The following MDGA2 variants were observed in gnomAD, a reference collection of about 807,000 sequenced individuals.
The protein encoded by MDGA2 is MAM domain containing glycosylphosphatidylinositol anchor 2.
A neutral mutation model predicts 117.8 loss-of-function variants in MDGA2; 40 were observed. The ratio of observed to expected loss-of-function variants is 0.34; its 90% CI spans 0.26 to 0.44. MDGA2 has a LOEUF of 0.44. Ranked by LOEUF, MDGA2 falls within the 20% of genes least tolerant of loss-of-function variation. The pLI is 1.00. For missense variants in MDGA2, 1,123 were observed against 1,250.6 expected (o/e 0.90, Z 1.54); for synonymous variants, 452 against 439.0 (o/e 1.03, Z -0.37).
intron 10 of MDGA2, among the ~76,000 whole-genome samples, chr14:46,886,640 A>G (rs1186221201): frequency 6.6e-6 from 1 of 151,940 alleles, no homozygotes; most frequent in Non-Finnish European, 1.5e-5. Context: ...AGATGTAAAA[A>G]TTATGATTAT....
rs139160408 is a variant in MDGA2, at chr14:47,108,256, G to A, written c.926-11133C>T. On this transcript the variant is annotated intron_variant, in intron 5 of 16. Coordinates refer to ENST00000399232, the MANE Select transcript of MDGA2 (RefSeq NM_001113498.3). ...TAACACCCCCCAAAAAATTTTCGCC[G>A]CCCCAACACTTCAACACTATTTTGT... is the stretch of plus-strand genomic sequence containing the variant. Among the ~76,000 whole-genome samples, 646 of 152,092 alleles carry A rather than the reference G, an allele frequency of 4.2e-3. 7 individuals are homozygous for A. Among genetic ancestry groups the A allele is most frequent in the African/African-American group, 0.015 (615 of 41,488 alleles).
chr14:47,365,031 C>A (rs1420999237), intron 1 of MDGA2, among the ~76,000 whole-genome samples: 1 of 152,136 alleles, frequency 6.6e-6, no homozygotes, highest in Non-Finnish European at 1.5e-5. Context: ...TGAAGAAAAC[C>A]CAACTGTACA....
At chr14:46,871,953 G>A in intron 14 of MDGA2, 1 of 306,484 alleles carries the variant, frequency 3.3e-6, no homozygotes, top group East Asian at 8.6e-5. Flanking sequence ...GGGCAACATA[G>A]CAAGAGCCTG....
rs1311068198 is a variant in MDGA2, at chr14:47,429,305, T to C, written c.281-127755A>G. 3.3e-5 allele frequency among the ~76,000 whole-genome samples: 5 copies of C among 152,098 alleles called. No individual in the cohort carries two copies. The East Asian group carries it at 5.8e-4, about 18-fold the overall frequency. On this transcript the variant is annotated intron_variant, in intron 1 of 16. Coordinates refer to ENST00000399232, the MANE Select transcript of MDGA2 (RefSeq NM_001113498.3). The stretch of plus-strand genomic sequence containing the variant: ...ATATATATATATACACACATATATA[T>C]TTTTATATGTGCATATATGTCAAAG...
intron 5 of MDGA2, among the ~76,000 whole-genome samples, chr14:47,122,197 A>G (rs1290595604): frequency 1.3e-5 from 2 of 152,100 alleles, no homozygotes; most frequent in African/African-American, 2.4e-5. Context: ...ATGATTTAGC[A>G]GAAAGCAAAT....
intron 1 of MDGA2, among the ~76,000 whole-genome samples, chr14:47,535,632 T>C (rs1321633559): frequency 1.3e-5 from 2 of 152,122 alleles, no homozygotes; most frequent in Admixed American, 6.5e-5. Flanking sequence ...TAGAAGCAGA[T>C]AATGGAACTC....
At chr14:47,125,298 G>C (rs1454048253) in intron 5 of MDGA2, among the ~76,000 whole-genome samples, 3 of 152,042 alleles carry the variant, frequency 2.0e-5, no homozygotes, top group Non-Finnish European at 4.4e-5. Context: ...CATGCCCACA[G>C]CTATCAAAAT....
intron 14 of MDGA2, among the ~76,000 whole-genome samples, chr14:46,872,927 G>A (rs776745447): frequency 4.0e-5 from 6 of 151,762 alleles, no homozygotes; most frequent in Non-Finnish European, 5.9e-5. Context: ...CTTTATCTTT[G>A]TATGCTGTGC....
intron 1 of MDGA2, among the ~76,000 whole-genome samples, chr14:47,523,576 C>G (rs1894913369): frequency 6.6e-6 from 1 of 151,994 alleles, no homozygotes; most frequent in Non-Finnish European, 1.5e-5. Flanking sequence ...GATATAAATT[C>G]AAATGAAACT....
intron 14 of MDGA2, among the ~76,000 whole-genome samples, chr14:46,867,587 C>A (rs1032424642): frequency 6.6e-6 from 1 of 151,858 alleles, no homozygotes. Context: ...ATTTCAGATT[C>A]TTTACATTCC....
intron 1 of MDGA2, among the ~76,000 whole-genome samples, chr14:47,526,929 C>T (rs1225679391): frequency 1.3e-5 from 2 of 152,174 alleles, no homozygotes; most frequent in Non-Finnish European, 2.9e-5. Flanking sequence ...CAAGCCCCAT[C>T]TGCTTTGAGT....
intron 1 of MDGA2, among the ~76,000 whole-genome samples, chr14:47,363,107 T>C (rs1891158780): frequency 1.3e-5 from 2 of 152,180 alleles, no homozygotes; most frequent in Admixed American, 6.5e-5. Flanking sequence ...GGTAATGATA[T>C]AAATATCTAG....
chr14:46,853,999 A>G (rs1881164782), intron 15 of MDGA2, among the ~76,000 whole-genome samples: 1 of 151,800 alleles, frequency 6.6e-6, no homozygotes, highest in Non-Finnish European at 1.5e-5. Flanking sequence ...ATCTGTAGAT[A>G]ATTAGCCAGT....
At chr14:46,980,234 C>T (rs537157746) in intron 8 of MDGA2, among the ~76,000 whole-genome samples, 2 of 152,236 alleles carry the variant, frequency 1.3e-5, no homozygotes, top group South Asian at 4.1e-4. Flanking sequence ...TCATGGAAAA[C>T]TTAGAGAGGA....
intron 8 of MDGA2, among the ~76,000 whole-genome samples, chr14:46,982,312 A>G (rs1886703147): frequency 6.6e-6 from 1 of 152,182 alleles, no homozygotes; most frequent in Admixed American, 6.6e-5. Context: ...AAAATGGTGT[A>G]AAAGTAGTAT....
chr14:47,520,542 G>A lies in MDGA2; in HGVS notation c.280+153975C>T, dbSNP rs192674539. ...AAAGTGTAAGTACTTTTCAAGGCCT[G>A]AGAAATTATATTAGTCATTTTTTTC... On this transcript the variant is annotated intron_variant, in intron 1 of 16. Coordinates refer to ENST00000399232, the MANE Select transcript of MDGA2 (RefSeq NM_001113498.3). 2.5e-3 allele frequency among the ~76,000 whole-genome samples: 381 copies of A among 152,272 alleles called. 3 individuals carry two copies. The highest frequency in any genetic ancestry group is 3.3e-3 in the Non-Finnish European group (225 of 68,006).
intron 1 of MDGA2, among the ~76,000 whole-genome samples, chr14:47,483,398 A>G (rs1448535054): frequency 6.6e-6 from 1 of 151,938 alleles, no homozygotes; most frequent in Non-Finnish European, 1.5e-5. Context: ...AATCATCATA[A>G]TCATGATCAC....
chr14:46,975,349 A>G (rs1434842872), intron 8 of MDGA2, among the ~76,000 whole-genome samples: 3 of 152,108 alleles, frequency 2.0e-5, no homozygotes, highest in African/African-American at 7.2e-5. Context: ...TTCTAAGTGT[A>G]TATCTAATTG....
chr14:47,547,377 G>T (rs1895484617), intron 1 of MDGA2, among the ~76,000 whole-genome samples: 1 of 152,192 alleles, frequency 6.6e-6, no homozygotes, highest in Admixed American at 6.5e-5. Flanking sequence ...TTGTATCACT[G>T]TTGGTGCTCA....
Sources: allele counts gnomAD v4.1 joint callset (sites outside exome capture counted in the v4.1 genomes callset), GRCh38; gene constraint gnomAD v4.1.1; transcripts MANE v1.5; gene names NCBI Gene and HGNC (gene_info 2026-07-23, HGNC 2026-07-21).